GRM7: variants seen among roughly 807,000 people sequenced by gnomAD.
GRM7 encodes metabotropic glutamate receptor 7.
GRM7 carries 35 observed loss-of-function variants against 84.5 expected under a neutral mutation model. The ratio of observed to expected loss-of-function variants is 0.41; its 90% CI spans 0.32 to 0.55. The LOEUF is 0.55. GRM7 is among the 20% of genes least tolerant of loss of function. The probability of loss-of-function intolerance (pLI) is 0.19; values close to 1 mark genes in which losing one functional copy is unlikely to be tolerated. For missense variants in GRM7, 1,003 were observed against 1,194.6 expected (o/e 0.84, Z 2.36); for synonymous variants, 487 against 455.1 (o/e 1.07, Z -0.89).
At chr3:7,441,681 T>A (rs1697293424) in intron 5 of GRM7, among the ~76,000 whole-genome samples, 1 of 152,152 alleles carries the variant, frequency 6.6e-6, no homozygotes, top group Admixed American at 6.6e-5. Context: ...GGTGGTACAG[T>A]TTCAGTCTTC....
chr3:7,483,388 C>A (rs1195202557), intron 7 of GRM7, among the ~76,000 whole-genome samples: 1 of 152,166 alleles, frequency 6.6e-6, no homozygotes, highest in African/African-American at 2.4e-5. Flanking sequence ...CCATACTGAT[C>A]TGGGGACAGA....
intron 6 of GRM7, 48 bp downstream of exon 6, chr3:7,452,855 T>C (rs1399504858): frequency 1.7e-6 from 2 of 1,176,440 alleles, no homozygotes; most frequent in African/African-American, 1.5e-5. Flanking sequence ...GTGTTGGCAT[T>C]CTGTTTCATA....
chr3:6,956,657 G>C (rs1331630376), intron 1 of GRM7: 2 of 455,556 alleles, frequency 4.4e-6, no homozygotes, highest in Non-Finnish European at 8.8e-6. Flanking sequence ...ATGTTTACCT[G>C]CTCAGTACTG....
chr3:7,725,182 A>T (rs550172038), intron 9 of GRM7, among the ~76,000 whole-genome samples: 16 of 152,300 alleles, frequency 1.1e-4, no homozygotes, highest in Admixed American at 9.2e-4. Flanking sequence ...CTAGGGAGCA[A>T]CTGGGGGTTG....
chr3:7,399,563 C>T (rs968949445), intron 4 of GRM7, among the ~76,000 whole-genome samples: 3 of 152,104 alleles, frequency 2.0e-5, no homozygotes, highest in African/African-American at 4.8e-5. Context: ...TTGTTTGGCT[C>T]CACCAAGTCT....
At chr3:7,277,367 A>C (rs1699110336) in intron 2 of GRM7, among the ~76,000 whole-genome samples, 1 of 152,030 alleles carries the variant, frequency 6.6e-6, no homozygotes, top group Non-Finnish European at 1.5e-5. Flanking sequence ...ATTTCATAAA[A>C]GGGAACTGTC....
chr3:7,212,966 T>C (rs1313254040), intron 2 of GRM7, among the ~76,000 whole-genome samples: 1 of 152,200 alleles, frequency 6.6e-6, no homozygotes, highest in Non-Finnish European at 1.5e-5. Flanking sequence ...TAGCTGCAAC[T>C]GTTACTGCAT....
chr3:7,110,585 A>G (rs991298867), intron 1 of GRM7, among the ~76,000 whole-genome samples: 4 of 128,124 alleles, frequency 3.1e-5, no homozygotes, highest in African/African-American at 1.4e-4. Flanking sequence ...AGAGAGCGAT[A>G]CTCTGTCACA....
intron 9 of GRM7, among the ~76,000 whole-genome samples, chr3:7,705,911 A>T (rs1169597937): frequency 1.3e-5 from 2 of 152,222 alleles, no homozygotes; most frequent in Non-Finnish European, 2.9e-5. Context: ...ATCTAAAATA[A>T]ATCACTCTAG....
At chr3:7,415,238 G>A in intron 5 of GRM7, 75 bp downstream of exon 5, 1 of 1,260,686 alleles carries the variant, frequency 7.9e-7, no homozygotes, top group Non-Finnish European at 1.1e-6. Flanking sequence ...GCTGACAGAA[G>A]GAAGCTTGGC....
intron 2 of GRM7, among the ~76,000 whole-genome samples, chr3:7,204,556 G>A (rs1316500553): frequency 6.6e-6 from 1 of 152,220 alleles, no homozygotes; most frequent in Non-Finnish European, 1.5e-5. Context: ...GGTTCTCCCT[G>A]AAGCACACAG....
At chr3:7,195,330 T>C (rs1695843209) in intron 2 of GRM7, among the ~76,000 whole-genome samples, 1 of 152,128 alleles carries the variant, frequency 6.6e-6, no homozygotes. Context: ...TGGCTTCTTG[T>C]GGATGGGAGC....
chr3:7,420,574 G>A (rs1322349166), intron 5 of GRM7, among the ~76,000 whole-genome samples: 1 of 152,030 alleles, frequency 6.6e-6, no homozygotes, highest in Non-Finnish European at 1.5e-5. Context: ...GTGTTAATGT[G>A]GTTCTTTGTT....
chr3:7,645,546 TAAAAAAAAAA>T (rs71043684), intron 8 of GRM7, among the ~76,000 whole-genome samples: 4 of 87,792 alleles, frequency 4.6e-5, no homozygotes, highest in African/African-American at 1.4e-4. Context: ...GACTCCATCT[TAAAAAAAAAA>T]AAAAAAAAAA....
At chr3:7,389,956 G>A (rs934706083) in intron 4 of GRM7, among the ~76,000 whole-genome samples, 1 of 151,942 alleles carries the variant, frequency 6.6e-6, no homozygotes, top group African/African-American at 2.4e-5. Context: ...TGTGCAGTTG[G>A]CTTCCATGGG....
At chr3:7,484,817 C>A (rs574287575) in intron 7 of GRM7, among the ~76,000 whole-genome samples, 1 of 152,220 alleles carries the variant, frequency 6.6e-6, no homozygotes, top group South Asian at 2.1e-4. Flanking sequence ...TGTGTGTCTG[C>A]CAAAGCTAGT....
chr3:6,990,200 T>C (rs1658569614), intron 1 of GRM7, among the ~76,000 whole-genome samples: 1 of 152,194 alleles, frequency 6.6e-6, no homozygotes, highest in African/African-American at 2.4e-5. Flanking sequence ...CCAAATATGA[T>C]AGCTATTTTT....
chr3:7,026,240 TAC>T (rs1166485832), intron 1 of GRM7, among the ~76,000 whole-genome samples: 2 of 152,184 alleles, frequency 1.3e-5, no homozygotes, highest in African/African-American at 4.8e-5. Context: ...GGTTGTTAAC[TAC>T]CAGAGCCACC....
chr3:7,451,142 G>A (rs1035368252), intron 5 of GRM7, among the ~76,000 whole-genome samples: 3 of 152,210 alleles, frequency 2.0e-5, no homozygotes, highest in African/African-American at 7.2e-5. Flanking sequence ...GCAATTTGTG[G>A]ATAATTCTTC....
Sources: allele counts gnomAD v4.1 joint callset (sites outside exome capture counted in the v4.1 genomes callset), GRCh38; gene constraint gnomAD v4.1.1; transcripts MANE v1.5; gene names NCBI Gene and HGNC (gene_info 2026-07-23, HGNC 2026-07-21).